The following SLC35D1 variants were observed in gnomAD, a reference collection of about 807,000 sequenced individuals.
The protein encoded by SLC35D1 is nucleotide sugar transporter SLC35D1.
A neutral mutation model predicts 46.7 loss-of-function variants in SLC35D1; 31 were observed. The ratio of observed to expected loss-of-function variants is 0.66; its 90% CI spans 0.50 to 0.90. The LOEUF (loss-of-function observed/expected upper bound fraction) is 0.90, where lower values mean the gene tolerates loss of function less well. SLC35D1 is among the 40% of genes least tolerant of loss of function. The probability of loss-of-function intolerance (pLI) is 0.00; values close to 1 mark genes in which losing one functional copy is unlikely to be tolerated. For missense variants in SLC35D1, 397 were observed against 426.2 expected (o/e 0.93, Z 0.60); for synonymous variants, 195 against 164.6 (o/e 1.18, Z -1.41).
chr1:66,975,091 T>A, the SLC35D1 span, among the ~76,000 whole-genome samples: 1 of 152,188 alleles, frequency 6.6e-6, no homozygotes, highest in African/African-American at 2.4e-5. Flanking sequence ...AAGCAAAATA[T>A]ATGTTGGGTA....
chr1:67,042,443 C>A, intron 7 of SLC35D1, 115 bp from the exon 8 acceptor site: 1 of 860,968 alleles, frequency 1.2e-6, no homozygotes, highest in South Asian at 1.3e-5. Flanking sequence ...CCCTCCCCTA[C>A]AACATACACA....
At chr1:67,049,925 G>C in intron 5 of SLC35D1, 75 bp from the exon 6 acceptor site, 1 of 985,032 alleles carries the variant, frequency 1.0e-6, no homozygotes. Context: ...GCAAAAAATG[G>C]GATATGCTTT....
chr1:66,988,790 C>T, the SLC35D1 span, among the ~76,000 whole-genome samples: 1 of 152,156 alleles, frequency 6.6e-6, no homozygotes, highest in Non-Finnish European at 1.5e-5. Context: ...TTTCCATATA[C>T]TCTAATATCC....
chr1:67,042,836 GACAGATTGCTTGAGCC>G (rs1383093526), intron 7 of SLC35D1, among the ~76,000 whole-genome samples: 1 of 152,156 alleles, frequency 6.6e-6, no homozygotes, highest in Non-Finnish European at 1.5e-5. Flanking sequence ...GGCTGAGGCG[GACAGATTGCTTGAGCC>G]CAGGAGTTCA....
Position 67,042,332 on chromosome 1 carries a change from G to A in SLC35D1, c.637-4C>T. The A allele has an allele frequency of 6.2e-7, 1 of 1,613,578 alleles. No homozygotes were observed. Among genetic ancestry groups the A allele is most frequent in the South Asian group, 1.1e-5 (1 of 91,072 alleles). On this transcript the variant is annotated splice_region_variant and splice_polypyrimidine_tract_variant and intron_variant, in intron 7 of 11. Transcript: ENST00000235345. ...GCAGTCCATATTTTCCCAGCTCCTA[G>A]GACAGTAAATAATTAGGTGTTTCAT...
chr1:66,995,829 A>G (rs1195435073), downstream of SLC35D1, among the ~76,000 whole-genome samples: 2 of 152,214 alleles, frequency 1.3e-5, no homozygotes, highest in Non-Finnish European at 2.9e-5. Flanking sequence ...TATCTCAGCT[A>G]TACTTTCATA....
chr1:67,050,568 C>T (rs1645298121), intron 4 of SLC35D1, 64 bp from the exon 5 acceptor site: 5 of 1,346,916 alleles, frequency 3.7e-6, no homozygotes, highest in Non-Finnish European at 5.2e-6. Context: ...CTAAGATTTT[C>T]CAAATTGGTA....
chr1:67,039,959 G>A, intron 8 of SLC35D1, among the ~76,000 whole-genome samples: 1 of 151,764 alleles, frequency 6.6e-6, no homozygotes, highest in African/African-American at 2.4e-5. Flanking sequence ...CATTCTGAGA[G>A]CCCTAAATTC....
intron 10 of SLC35D1, among the ~76,000 whole-genome samples, chr1:67,013,158 A>ATATATATATATATATGTATATGTG: frequency 9.6e-6 from 1 of 103,642 alleles, no homozygotes; most frequent in African/African-American, 5.6e-5. Flanking sequence ...TATCCTGGAG[A>ATATATATATATATATGTATATGTG]TATATATATA....
chr1:67,014,474 G>A (rs1239012117), intron 10 of SLC35D1, among the ~76,000 whole-genome samples: 1 of 151,834 alleles, frequency 6.6e-6, no homozygotes, highest in Non-Finnish European at 1.5e-5. Context: ...GTCTTTATTT[G>A]TGTCCATCTA....
chr1:67,030,807 G>C (rs939801899), intron 8 of SLC35D1, among the ~76,000 whole-genome samples: 4 of 152,144 alleles, frequency 2.6e-5, no homozygotes, highest in Non-Finnish European at 4.4e-5. Flanking sequence ...CAGGCTTCCT[G>C]ATAATCAAGC....
At chr1:67,029,385 C>A (rs1667974728) in intron 8 of SLC35D1, among the ~76,000 whole-genome samples, 1 of 152,190 alleles carries the variant, frequency 6.6e-6, no homozygotes, top group African/African-American at 2.4e-5. Context: ...CATGAGAACT[C>A]ATGCATACAA....
intron 7 of SLC35D1, among the ~76,000 whole-genome samples, chr1:67,043,074 A>T (rs1439089130): frequency 2.0e-5 from 3 of 152,144 alleles, no homozygotes; most frequent in African/African-American, 7.2e-5. Flanking sequence ...GGGTGCCTGT[A>T]ATCCCAGCTA....
intron 8 of SLC35D1, among the ~76,000 whole-genome samples, chr1:67,041,895 T>C (rs1226630973): frequency 6.6e-6 from 1 of 152,242 alleles, no homozygotes; most frequent in Non-Finnish European, 1.5e-5. Flanking sequence ...TATTTCAAGA[T>C]TTTTGTTTCT....
the SLC35D1 span, chr1:66,985,675 T>C: frequency 1.0e-6 from 1 of 985,180 alleles, no homozygotes; most frequent in South Asian, 4.7e-5. Flanking sequence ...TAAACTTTTA[T>C]GAGAGGAATT....
At chr1:67,042,935 C>T (rs1202407049) in intron 7 of SLC35D1, among the ~76,000 whole-genome samples, 10 of 152,084 alleles carry the variant, frequency 6.6e-5, no homozygotes, top group South Asian at 2.1e-4. Context: ...CGGTGGCTCA[C>T]GCCTGTAATC....
chr1:67,051,548 T>TA (rs1645308918), intron 4 of SLC35D1, among the ~76,000 whole-genome samples: 1 of 152,208 alleles, frequency 6.6e-6, no homozygotes, highest in South Asian at 2.1e-4. Context: ...ATAATATTTT[T>TA]ATCAGGGTTC....
At chr1:67,051,432 G>A (rs766268935) in intron 4 of SLC35D1, among the ~76,000 whole-genome samples, 1 of 152,188 alleles carries the variant, frequency 6.6e-6, no homozygotes, top group East Asian at 1.9e-4. Flanking sequence ...GCCAGAAACC[G>A]GGAGGTTAGA....
At chr1:67,052,326 T>C (rs1373359631) in intron 3 of SLC35D1, among the ~76,000 whole-genome samples, 1 of 152,146 alleles carries the variant, frequency 6.6e-6, no homozygotes, top group African/African-American at 2.4e-5. Flanking sequence ...ATATGATCAA[T>C]GTGAGACAGA....
Sources: allele counts gnomAD v4.1 joint callset (sites outside exome capture counted in the v4.1 genomes callset), GRCh38; gene constraint gnomAD v4.1.1; transcripts MANE v1.5; gene names NCBI Gene and HGNC (gene_info 2026-07-23, HGNC 2026-07-21).